Variants in PRELID2 observed in about 807,000 individuals in gnomAD.
PRELID2 encodes PRELI domain containing 2.
PRELID2 carries 25 observed loss-of-function variants against 28.4 expected under a neutral mutation model. That is an observed-to-expected ratio of 0.88 (90% CI 0.64 to 1.23). The LOEUF (loss-of-function observed/expected upper bound fraction) is 1.23, where lower values mean the gene tolerates loss of function less well. Ranked by LOEUF, PRELID2 falls within the 50% of genes most tolerant of loss-of-function variation. The probability of loss-of-function intolerance (pLI) is 0.00; values close to 1 mark genes in which losing one functional copy is unlikely to be tolerated. For synonymous variants in PRELID2, 76 were observed against 71.6 expected (o/e 1.06, Z -0.31); for missense variants, 201 against 214.4 (o/e 0.94, Z 0.39).
chr5:145,559,397 T>C (rs893253306), intron 1 of PRELID2, among the ~76,000 whole-genome samples: 1 of 152,224 alleles, frequency 6.6e-6, no homozygotes, highest in Non-Finnish European at 1.5e-5. Context: ...ATATGTCTAC[T>C]GACCTGAAAA....
intron 1 of PRELID2, among the ~76,000 whole-genome samples, chr5:145,574,455 C>A (rs1363555): frequency 7.8e-4 from 118 of 152,172 alleles, no homozygotes; most frequent in African/African-American, 2.6e-3. Flanking sequence ...ACCCTCCAAA[C>A]GTAACCCTCT....
chr5:145,505,585 C>T lies in PRELID2; in HGVS notation n.71-32270G>A, dbSNP rs780792765. On this transcript the variant is annotated intron_variant and non_coding_transcript_variant, in intron 1 of 2. Coordinates refer to the PRELID2 transcript ENST00000510259. ...AATCAGATCATATGACTCTCCAGCT[C>T]GAAATCCTCATACTTGGAATAAAAT... Among the ~76,000 whole-genome samples the T allele has an allele frequency of 1.2e-4, 19 of 152,174 alleles. 1 individual carries two copies. The highest frequency in any genetic ancestry group is 7.4e-5 in the Non-Finnish European group (5 of 68,018).
At chr5:145,675,423 C>T (rs1426313791) in intron 1 of PRELID2, among the ~76,000 whole-genome samples, 4 of 152,228 alleles carry the variant, frequency 2.6e-5, no homozygotes, top group Admixed American at 6.5e-5. Flanking sequence ...TCTCATACAC[C>T]GCTGGTACAA....
At chr5:145,661,732 A>G (rs1476039029) in intron 1 of PRELID2, among the ~76,000 whole-genome samples, 7 of 151,732 alleles carry the variant, frequency 4.6e-5, no homozygotes, top group Non-Finnish European at 1.0e-4. Context: ...AAAATACATT[A>G]GCCGCCTGAG....
chr5:145,630,541 C>CTGTA (rs1484238873), intron 1 of PRELID2, among the ~76,000 whole-genome samples: 1 of 152,186 alleles, frequency 6.6e-6, no homozygotes, highest in Non-Finnish European at 1.5e-5. Flanking sequence ...ATCCCATTAA[C>CTGTA]TGTAAAAGCT....
chr5:145,560,382 T>G (rs996762952), intron 1 of PRELID2, among the ~76,000 whole-genome samples: 1 of 152,214 alleles, frequency 6.6e-6, no homozygotes, highest in African/African-American at 2.4e-5. Context: ...CAGCACATAG[T>G]AGGTGCTCAA....
At chr5:145,522,440 A>G (rs1752571076) in intron 1 of PRELID2, among the ~76,000 whole-genome samples, 1 of 152,086 alleles carries the variant, frequency 6.6e-6, no homozygotes, top group South Asian at 2.1e-4. Context: ...AGAAAGAGAG[A>G]CAGAGAGACA....
chr5:145,293,180 A>T, the PRELID2 span, among the ~76,000 whole-genome samples: 3 of 152,140 alleles, frequency 2.0e-5, no homozygotes, highest in African/African-American at 7.2e-5. Context: ...TGTCAAACAC[A>T]TGGCCAGCTT....
At chr5:145,522,513 T>C (rs556364783) in intron 1 of PRELID2, among the ~76,000 whole-genome samples, 10 of 152,286 alleles carry the variant, frequency 6.6e-5, no homozygotes, top group Non-Finnish European at 1.2e-4. Flanking sequence ...CACTTCTGTA[T>C]AGTATTTCAT....
chr5:145,607,664 G>GTGTGATCA (rs1753524473), intron 1 of PRELID2, among the ~76,000 whole-genome samples: 1 of 151,924 alleles, frequency 6.6e-6, no homozygotes, highest in African/African-American at 2.4e-5. Flanking sequence ...ATGGCTGATT[G>GTGTGATCA]TGTGATCATT....
the PRELID2 span, among the ~76,000 whole-genome samples, chr5:145,333,976 C>A: frequency 1.3e-5 from 2 of 152,126 alleles, no homozygotes; most frequent in South Asian, 4.1e-4. Context: ...AGTATCCTGG[C>A]TGAAATGCAC....
At chr5:145,351,174 G>A in the PRELID2 span, among the ~76,000 whole-genome samples, 57 of 152,274 alleles carry the variant, frequency 3.7e-4, no homozygotes, top group African/African-American at 1.3e-3. Flanking sequence ...TGATTTCAGA[G>A]CCAAAAGTTT....
At chr5:145,651,819 A>C (rs887450284) in intron 1 of PRELID2, among the ~76,000 whole-genome samples, 1 of 152,258 alleles carries the variant, frequency 6.6e-6, no homozygotes, top group East Asian at 1.9e-4. Flanking sequence ...CAGAGCAGAA[A>C]AGCTGAAAAT....
chr5:145,811,980 C>A (rs1479144679), intron 4 of PRELID2, among the ~76,000 whole-genome samples: 1 of 152,178 alleles, frequency 6.6e-6, no homozygotes, highest in Non-Finnish European at 1.5e-5. Flanking sequence ...GCCTACCCAT[C>A]CCCCATGCAG....
intron 1 of PRELID2, among the ~76,000 whole-genome samples, chr5:145,658,326 C>T (rs1754430879): frequency 6.6e-6 from 1 of 152,098 alleles, no homozygotes; most frequent in Middle Eastern, 3.2e-3. Context: ...AGCCCTAGAC[C>T]CCTCCTGAAA....
chr5:145,735,111 G>A (rs1962863), intron 1 of PRELID2, among the ~76,000 whole-genome samples: 123,538 of 151,580 alleles, frequency 0.82, 50,776 homozygotes, highest in East Asian at 0.88. Context: ...CAGGCATGGT[G>A]GCGGGCACCT....
At chr5:145,401,955 C>T in the PRELID2 span, among the ~76,000 whole-genome samples, 2 of 152,144 alleles carry the variant, frequency 1.3e-5, no homozygotes, top group Non-Finnish European at 1.5e-5. Flanking sequence ...TCTTTCCTAA[C>T]ATCACCCACC....
the PRELID2 span, among the ~76,000 whole-genome samples, chr5:145,253,680 G>A: frequency 3.3e-5 from 5 of 152,118 alleles, 1 homozygote; most frequent in African/African-American, 1.2e-4. Flanking sequence ...AAACTGGGTA[G>A]CTGAACTGTT....
At chr5:145,231,988 T>C in the PRELID2 span, among the ~76,000 whole-genome samples, 40 of 152,128 alleles carry the variant, frequency 2.6e-4, no homozygotes, top group African/African-American at 8.9e-4. Context: ...GAAACCTCTC[T>C]CTCTGTGTCT....
Sources: allele counts gnomAD v4.1 joint callset (sites outside exome capture counted in the v4.1 genomes callset), GRCh38; gene constraint gnomAD v4.1.1; transcripts MANE v1.5; gene names NCBI Gene and HGNC (gene_info 2026-07-23, HGNC 2026-07-21).